Variants in NUP210L observed in about 807,000 individuals in gnomAD.
NUP210L encodes nucleoporin 210 like.
In NUP210L, 74 loss-of-function variants were observed where a neutral mutation model predicts 208.5. That is an observed-to-expected ratio of 0.35 (90% confidence interval 0.29 to 0.43). The LOEUF is 0.43. Among genes scored for constraint, NUP210L ranks in the 20% least tolerant of loss-of-function variants. NUP210L has a pLI of 1.00. For missense variants in NUP210L, 1,843 were observed against 2,289.4 expected, an observed-to-expected ratio of 0.81 and a Z score of 3.98; for synonymous variants, 780 against 816.9, an observed-to-expected ratio of 0.95 and a Z score of 0.77.
At chr1:154,048,504 C>T (rs1653309991) in intron 25 of NUP210L, among the ~76,000 whole-genome samples, 1 of 152,200 alleles carries the variant, frequency 6.6e-6, no homozygotes, top group South Asian at 2.1e-4. Flanking sequence ...AAACATTGGA[C>T]TAATCAGTGT....
intron 12 of NUP210L, among the ~76,000 whole-genome samples, chr1:154,109,112 C>CA (rs568683251): frequency 6.6e-6 from 1 of 151,390 alleles, no homozygotes; most frequent in Non-Finnish European, 1.5e-5. Flanking sequence ...AAAACAAAAA[C>CA]AAAAACAAAA....
intron 12 of NUP210L, among the ~76,000 whole-genome samples, chr1:154,116,979 G>A (rs1365300259): frequency 6.6e-6 from 1 of 152,144 alleles, no homozygotes; most frequent in African/African-American, 2.4e-5. Context: ...TATACTTTCA[G>A]TGATCATGTC....
intron 35 of NUP210L, among the ~76,000 whole-genome samples, chr1:154,007,607 C>T (rs1056372118): frequency 2.6e-5 from 4 of 151,316 alleles, no homozygotes; most frequent in African/African-American, 4.9e-5. Context: ...GAGTCTCACT[C>T]TGTTGCCCAG....
exon 1 of NUP210L, chr1:154,154,936 TGGC>T (rs1659624926): frequency 6.2e-7 from 1 of 1,614,124 alleles, no homozygotes; most frequent in Non-Finnish European, 8.5e-7. Context: ...TTAAGTTTGT[TGGC>T]CAGGGTCCCA....
At chr1:154,136,138 G>A (rs1044744425) in intron 6 of NUP210L, among the ~76,000 whole-genome samples, 166 bp from the exon 7 acceptor site, 1 of 152,158 alleles carries the variant, frequency 6.6e-6, no homozygotes, top group Admixed American at 6.6e-5. Context: ...TAACCATTTG[G>A]GGGGAGTATA....
At chr1:154,117,140 T>C (rs1657370671) in intron 12 of NUP210L, among the ~76,000 whole-genome samples, 1 of 152,218 alleles carries the variant, frequency 6.6e-6, no homozygotes, top group African/African-American at 2.4e-5. Context: ...TTCCTCAAAT[T>C]TTCCAGTTAA....
At chr1:154,046,245 CA>C (rs1244148281) in intron 26 of NUP210L, 43 bp downstream of exon 26, 1 of 1,613,872 alleles carries the variant, frequency 6.2e-7, no homozygotes, top group Non-Finnish European at 8.5e-7. Context: ...TGCCCAGTTG[CA>C]ATTATCAGAA....
chr1:154,012,434 C>G (rs1650980353), intron 33 of NUP210L, 64 bp from the exon 34 acceptor site: 2 of 1,519,070 alleles, frequency 1.3e-6, no homozygotes. Flanking sequence ...CTTCCAGATC[C>G]ACCCCTCATA....
At chr1:154,023,057 A>G (rs953961663) in intron 31 of NUP210L, 65 bp downstream of exon 31, 4 of 1,411,874 alleles carry the variant, frequency 2.8e-6, no homozygotes, top group Admixed American at 4.0e-5. Context: ...GAGCTGCTAT[A>G]TAATACTAGC....
chr1:154,043,021 C>CTT (rs34453410), intron 27 of NUP210L, among the ~76,000 whole-genome samples: 67 of 126,834 alleles, frequency 5.3e-4, no homozygotes, highest in African/African-American at 1.5e-3. Context: ...CCATTAAGAC[C>CTT]TTTTTTTTTT....
At chr1:154,012,841 T>TA (rs200093972) in intron 33 of NUP210L, among the ~76,000 whole-genome samples, 19,542 of 150,606 alleles carry the variant, frequency 0.13, 2,236 homozygotes, top group African/African-American at 0.3. Context: ...CCGCCTCTAC[T>TA]AAAAAAAACA....
chr1:154,135,947 A>G (rs1658520932), exon 7 of NUP210L: 4 of 1,606,980 alleles, frequency 2.5e-6, no homozygotes, highest in East Asian at 2.2e-5. Context: ...ATTCCAGTAT[A>G]TAATGTTCCA....
exon 5 of NUP210L, chr1:154,139,924 C>T (rs1386629543): frequency 1.2e-6 from 2 of 1,610,788 alleles, no homozygotes; most frequent in African/African-American, 2.7e-5. Context: ...ATTGGGGGAG[C>T]ATATTCTGCT....
chr1:154,022,385 A>G, intron 31 of NUP210L, 42 bp from the exon 32 acceptor site: 1 of 1,517,160 alleles, frequency 6.6e-7, no homozygotes, highest in Non-Finnish European at 9.2e-7. Context: ...AAAAAGAGAC[A>G]ATAGTTAGAA....
At chr1:154,026,441 CG>C (rs1005805380) in intron 29 of NUP210L, among the ~76,000 whole-genome samples, 21 of 152,022 alleles carry the variant, frequency 1.4e-4, no homozygotes, top group African/African-American at 5.1e-4. Flanking sequence ...CTCCGCCTCC[CG>C]GGTTCAAGTG....
chr1:154,062,044 T>C (rs1654169693), intron 17 of NUP210L, among the ~76,000 whole-genome samples: 2 of 152,046 alleles, frequency 1.3e-5, no homozygotes, highest in Non-Finnish European at 2.9e-5. Flanking sequence ...GCCAGGCTGG[T>C]CTCGAATTCC....
chr1:154,058,441 T>C lies in NUP210L; in HGVS notation c.2979+124A>G, dbSNP rs1007107059. On this transcript the variant is annotated intron_variant, in intron 21 of 39. Coordinates refer to ENST00000368559, the Ensembl canonical transcript of NUP210L. Reference sequence around the variant, plus strand: ...ATGTTGTTCTTTAAGGGCAGGTATTTCCATTAACATTACCAGAAGTCCTGG... The same window carrying C: ...ATGTTGTTCTTTAAGGGCAGGTATTCCCATTAACATTACCAGAAGTCCTGG... The C allele has an allele frequency of 7.8e-5, 94 of 1,202,176 alleles. No homozygotes were observed. In the African/African-American group the frequency reaches 1.2e-3, roughly 16 times the overall value. The allele number at this position is 1,202,176 out of a possible 1,614,324, so 74.5% of individuals were successfully genotyped here.
rs1376845016 is a variant in NUP210L, at chr1:154,036,354, GTGTGTGTA to G, written c.3697-6308_3697-6301del. On this transcript the variant is annotated intron_variant, in intron 27 of 39. Transcript: ENST00000368559. ...TGTGTGTGTGTGTGTGTGTGTGTGTGTGTGTGTATAACTTTTTTTTTTTTTTTTTTTTG... is the reference window on the plus strand; with the variant it reads ...TGTGTGTGTGTGTGTGTGTGTGTGTGTAACTTTTTTTTTTTTTTTTTTTTG... Among the ~76,000 whole-genome samples the G allele has an allele frequency of 6.8e-3, 558 of 81,984 alleles. 9 individuals are homozygous for G. Among genetic ancestry groups the G allele is most frequent in the African/African-American group, 0.022 (539 of 24,868 alleles). 53.8% of individuals were successfully genotyped at this position (81,984 alleles called of 152,430 possible).
At chr1:154,091,707 G>C (rs1406437296) in intron 15 of NUP210L, among the ~76,000 whole-genome samples, 2 of 151,326 alleles carry the variant, frequency 1.3e-5, no homozygotes, top group African/African-American at 2.4e-5. Context: ...CACCATATTG[G>C]CCAGGCTGGT....
Sources: gnomAD v4.1 joint callset for allele counts (sites outside exome capture counted in the v4.1 genomes callset) on GRCh38, gnomAD v4.1.1 for gene constraint, MANE v1.5 for transcripts, NCBI Gene and HGNC (gene_info 2026-07-23, HGNC 2026-07-21) for gene names.